HEPHL1: variants seen among roughly 807,000 people sequenced by gnomAD.
HEPHL1 encodes ferroxidase HEPHL1.
Under a neutral mutation model 122.0 loss-of-function variants are expected in HEPHL1, and 123 were observed. The observed-to-expected ratio is 1.01, with a 90% CI of 0.87 to 1.17. The LOEUF is 1.17. Among genes scored for constraint, HEPHL1 ranks in the 50% most tolerant of loss-of-function variants. The pLI is 0.00. For synonymous variants in HEPHL1, 527 were observed against 508.9 expected, an observed-to-expected ratio of 1.04 and a Z score of -0.48; for missense variants, 1,452 against 1,430.5, an observed-to-expected ratio of 1.01 and a Z score of -0.24.
At chr11:94,105,941 C>T (rs372948707) in intron 16 of HEPHL1, 50 bp from the exon 17 acceptor site, 56 of 1,284,274 alleles carry the variant, frequency 4.4e-5, no homozygotes, top group Middle Eastern at 3.9e-4. Flanking sequence ...TTTAAAAAAT[C>T]AGCTTATCTT....
Position 94,045,699 on chromosome 11 carries a change from G to A in HEPHL1, c.197G>A (p.Gly66Glu). 2 of 1,610,290 alleles carry A rather than the reference G, an allele frequency of 1.2e-6. No individual in the cohort carries two copies. The highest frequency in any genetic ancestry group is 2.2e-5 in the South Asian group (2 of 90,196). ...DKLATLFLERGPNRIGSIYKK... is the reference protein window; with the variant it reads ...DKLATLFLEREPNRIGSIYKK... ...CTTGCAACCTTATTTCTCGAAAGAG[G>A]GCCCAACAGGATAGGCAGTATTTAC... Residue 66 changes from glycine to glutamate, a missense_variant, in exon 2 of 20, where the codon GGG becomes GAG. Physicochemically the swap from Gly to Glu is moderately conservative, Grantham distance 98. Transcript: ENST00000315765.
intron 9 of HEPHL1, among the ~76,000 whole-genome samples, chr11:94,078,049 A>T (rs367956915): frequency 6.6e-6 from 1 of 152,218 alleles, no homozygotes; most frequent in Non-Finnish European, 1.5e-5. Flanking sequence ...CAAGAAGATA[A>T]GTGCAATGGA....
intron 1 of HEPHL1, among the ~76,000 whole-genome samples, chr11:94,043,023 T>G (rs1200925918): frequency 3.3e-5 from 5 of 151,630 alleles, no homozygotes; most frequent in African/African-American, 1.2e-4. Flanking sequence ...ACAGAAAAAA[T>G]TATTAGGGCC....
intron 9 of HEPHL1, among the ~76,000 whole-genome samples, chr11:94,076,381 A>T (rs1474098935): frequency 1.3e-5 from 2 of 152,186 alleles, no homozygotes; most frequent in African/African-American, 4.8e-5. Flanking sequence ...CAGGACCTTG[A>T]ACATCCAACT....
chr11:94,043,100 A>T (rs1319648071), intron 1 of HEPHL1, among the ~76,000 whole-genome samples: 1 of 152,104 alleles, frequency 6.6e-6, no homozygotes, highest in Non-Finnish European at 1.5e-5. Context: ...TTTTAAATAA[A>T]TTATATGAAT....
intron 1 of HEPHL1, among the ~76,000 whole-genome samples, chr11:94,031,021 CACCCTTT>C (rs1481201880): frequency 6.6e-6 from 1 of 152,212 alleles, no homozygotes; most frequent in African/African-American, 2.4e-5. Context: ...AATCCAACAA[CACCCTTT>C]GTTGTGGCAG....
intron 1 of HEPHL1, among the ~76,000 whole-genome samples, chr11:94,044,492 T>C (rs1303631625): frequency 6.6e-6 from 1 of 152,278 alleles, no homozygotes; most frequent in South Asian, 2.1e-4. Context: ...GCTTCCAAGA[T>C]AAATTTTAAA....
chr11:94,097,914 C>A (rs1201941348), intron 13 of HEPHL1, among the ~76,000 whole-genome samples: 2 of 152,142 alleles, frequency 1.3e-5, no homozygotes, highest in East Asian at 1.9e-4. Flanking sequence ...TGTGTCTCTG[C>A]ACGTGAGATG....
chr11:94,048,551 A>T (rs1945860555), intron 2 of HEPHL1, among the ~76,000 whole-genome samples: 5 of 151,974 alleles, frequency 3.3e-5, no homozygotes, highest in Non-Finnish European at 7.4e-5. Flanking sequence ...TCATAGAGAT[A>T]GGATCTTGCT....
chr11:94,102,890 T>C, intron 14 of HEPHL1, 24 bp from the exon 15 acceptor site: 3 of 1,164,022 alleles, frequency 2.6e-6, no homozygotes, highest in Non-Finnish European at 3.9e-6. Flanking sequence ...TTCTAATAAA[T>C]TTTTTCCATT....
intron 2 of HEPHL1, among the ~76,000 whole-genome samples, chr11:94,046,594 T>C (rs78419044): frequency 0.05 from 7,399 of 149,426 alleles, 276 homozygotes; most frequent in Non-Finnish European, 0.069. Context: ...CAGCCTTGGC[T>C]GTGGGTACAT....
intron 16 of HEPHL1, among the ~76,000 whole-genome samples, chr11:94,105,033 C>T (rs765510196): frequency 7.9e-5 from 12 of 152,050 alleles, no homozygotes; most frequent in Admixed American, 7.2e-4. Context: ...AAAAACAAAT[C>T]ATCATTTATT....
intron 1 of HEPHL1, among the ~76,000 whole-genome samples, chr11:94,024,467 G>A (rs1408844875): frequency 1.3e-5 from 2 of 152,196 alleles, no homozygotes; most frequent in African/African-American, 4.8e-5. Flanking sequence ...TGAAAGAAAG[G>A]AGAGAGATGA....
intron 1 of HEPHL1, among the ~76,000 whole-genome samples, chr11:94,036,585 T>A (rs912736816): frequency 6.6e-6 from 1 of 152,090 alleles, no homozygotes; most frequent in African/African-American, 2.4e-5. Context: ...TGACACTCAC[T>A]GTGGATCTGG....
chr11:94,101,603 C>T (rs1039618309), intron 14 of HEPHL1, among the ~76,000 whole-genome samples: 22 of 152,148 alleles, frequency 1.4e-4, no homozygotes, highest in African/African-American at 5.1e-4. Flanking sequence ...TACATTGATA[C>T]ATCATTATCC....
At chr11:94,101,985 T>C (rs773441056) in intron 14 of HEPHL1, among the ~76,000 whole-genome samples, 1 of 152,268 alleles carries the variant, frequency 6.6e-6, no homozygotes, top group Non-Finnish European at 1.5e-5. Context: ...TATTATAGTG[T>C]ACTGTTATAA....
At chr11:94,047,744 A>T (rs1518559) in intron 2 of HEPHL1, among the ~76,000 whole-genome samples, 146,016 of 152,218 alleles carry the variant, frequency 0.96, 70,345 homozygotes, top group East Asian at 1. Context: ...TTTGTCTTCA[A>T]TCCTCCATCT....
chr11:94,043,217 T>G (rs928236208), intron 1 of HEPHL1, among the ~76,000 whole-genome samples: 3 of 151,924 alleles, frequency 2.0e-5, no homozygotes, highest in African/African-American at 7.3e-5. Flanking sequence ...AGGAGTTGAT[T>G]AGAGGGGAAA....
intron 1 of HEPHL1, among the ~76,000 whole-genome samples, chr11:94,025,174 T>C (rs1442710278): frequency 2.0e-5 from 3 of 152,130 alleles, no homozygotes; most frequent in Non-Finnish European, 4.4e-5. Flanking sequence ...GATTATAGGG[T>C]TCAAAAATAT....
Sources: gnomAD v4.1 joint callset for allele counts (sites outside exome capture counted in the v4.1 genomes callset) on GRCh38, gnomAD v4.1.1 for gene constraint, MANE v1.5 for transcripts, NCBI Gene and HGNC (gene_info 2026-07-23, HGNC 2026-07-21) for gene names.